PDE10A: variants seen among roughly 807,000 people sequenced by gnomAD.
PDE10A encodes the protein cAMP and cAMP-inhibited cGMP 3',5'-cyclic phosphodiesterase 10A.
In PDE10A, 39 loss-of-function variants were observed where a neutral mutation model predicts 97.7. That is an observed-to-expected ratio of 0.40 (90% CI 0.31 to 0.52). The LOEUF is 0.52. PDE10A is among the 20% of genes least tolerant of loss of function. The pLI is 0.56. For synonymous variants in PDE10A, 371 were observed against 376.8 expected, an observed-to-expected ratio of 0.98 and a Z score of 0.18; for missense variants, 731 against 1,047.8, an observed-to-expected ratio of 0.70 and a Z score of 4.17.
At chr6:165,894,496 C>G (rs1190932698) in intron 1 of PDE10A, 1 of 456,050 alleles carries the variant, frequency 2.2e-6, no homozygotes, top group East Asian at 7.0e-5. Context: ...ATTTATAGCC[C>G]TTCGTGTGCA....
rs1030513384 is a variant in PDE10A, at chr6:165,332,892, T to C, written c.*133A>G. On this transcript the variant is annotated 3_prime_UTR_variant, in exon 22 of 22. Transcript: ENST00000539869. Reference sequence around the variant, plus strand: ...TCTGCTTGACTTATTTATTTGATGTTACCTTCTTGAAGAGGTTTGCACCCC... The same window carrying C: ...TCTGCTTGACTTATTTATTTGATGTCACCTTCTTGAAGAGGTTTGCACCCC... The C allele has an allele frequency of 4.2e-5, 28 of 665,052 alleles. No homozygotes were observed. In the African/African-American group the frequency reaches 5.0e-4, roughly 12 times the overall value. The allele number at this position is 665,052 out of a possible 1,614,324, so 41.2% of individuals were successfully genotyped here. A position where few individuals can be genotyped will look rare whatever the true frequency, so the allele number is the denominator to read the frequency against.
intron 3 of PDE10A, among the ~76,000 whole-genome samples, chr6:165,471,257 C>T (rs530164711): frequency 1.1e-4 from 17 of 152,226 alleles, no homozygotes; most frequent in African/African-American, 3.6e-4. Context: ...GTTCAGTCTT[C>T]CTTTCTACTT....
intron 1 of PDE10A, among the ~76,000 whole-genome samples, chr6:165,586,232 T>C (rs1421755736): frequency 6.6e-6 from 1 of 152,196 alleles, no homozygotes; most frequent in Non-Finnish European, 1.5e-5. Flanking sequence ...AGTAAACTTT[T>C]TAAAATTATA....
At chr6:165,586,110 C>CT (rs1022205141) in intron 1 of PDE10A, among the ~76,000 whole-genome samples, 25 of 152,226 alleles carry the variant, frequency 1.6e-4, no homozygotes, top group Non-Finnish European at 2.4e-4. Context: ...AGCCCACTCC[C>CT]TGCCCCCCTT....
intron 1 of PDE10A, among the ~76,000 whole-genome samples, chr6:165,798,469 A>G (rs1778886648): frequency 6.6e-6 from 1 of 152,198 alleles, no homozygotes; most frequent in Non-Finnish European, 1.5e-5. Flanking sequence ...CAGACCTCAC[A>G]GAAAGACAGA....
chr6:165,957,522 A>G (rs1329357432), intron 1 of PDE10A, among the ~76,000 whole-genome samples: 3 of 152,120 alleles, frequency 2.0e-5, no homozygotes, highest in Non-Finnish European at 4.4e-5. Context: ...AAAAATATAT[A>G]TGATTAATAA....
chr6:165,464,612 A>G (rs575073675), intron 3 of PDE10A, among the ~76,000 whole-genome samples: 11 of 152,226 alleles, frequency 7.2e-5, no homozygotes, highest in Non-Finnish European at 1.3e-4. Context: ...TCCTACCAAG[A>G]AAGAACATTT....
At chr6:165,732,851 G>T (rs1335412679) in intron 1 of PDE10A, among the ~76,000 whole-genome samples, 1 of 152,208 alleles carries the variant, frequency 6.6e-6, no homozygotes, top group East Asian at 1.9e-4. Flanking sequence ...CCATCCTGGT[G>T]AGTGGCATCT....
chr6:165,344,560 C>G (rs1782185576), intron 18 of PDE10A, among the ~76,000 whole-genome samples: 1 of 152,190 alleles, frequency 6.6e-6, no homozygotes, highest in Non-Finnish European at 1.5e-5. Context: ...GCTCCCGAGC[C>G]TGTCTTGACC....
intron 1 of PDE10A, among the ~76,000 whole-genome samples, chr6:165,649,345 T>C (rs1053119451): frequency 2.6e-5 from 4 of 151,754 alleles, no homozygotes; most frequent in Non-Finnish European, 5.9e-5. Context: ...CAGGATGATA[T>C]CCAAACCAAG....
chr6:165,423,031 T>C (rs952668180), intron 10 of PDE10A, among the ~76,000 whole-genome samples: 11 of 152,198 alleles, frequency 7.2e-5, no homozygotes, highest in African/African-American at 2.4e-4. Context: ...GATTTTGATA[T>C]AAAACTTCAT....
At chr6:165,471,903 C>T (rs536260326) in intron 3 of PDE10A, among the ~76,000 whole-genome samples, 27 of 152,122 alleles carry the variant, frequency 1.8e-4, no homozygotes, top group African/African-American at 5.8e-4. Context: ...CTTTTGTTTG[C>T]GCTAATAAAA....
intron 1 of PDE10A, among the ~76,000 whole-genome samples, chr6:165,641,742 G>A (rs1472301391): frequency 1.3e-5 from 2 of 152,204 alleles, no homozygotes; most frequent in Non-Finnish European, 2.9e-5. Context: ...GTTCCTAGAT[G>A]CCCTAGATGT....
intron 1 of PDE10A, among the ~76,000 whole-genome samples, chr6:165,550,870 A>G (rs1412199476): frequency 1.3e-5 from 2 of 152,198 alleles, no homozygotes; most frequent in Non-Finnish European, 2.9e-5. Context: ...TCACAGCGTG[A>G]GATGGTTTCA....
At chr6:165,369,481 A>G (rs376635695) in intron 18 of PDE10A, among the ~76,000 whole-genome samples, 6 of 146,306 alleles carry the variant, frequency 4.1e-5, no homozygotes, top group African/African-American at 1.0e-4. Context: ...GGGTATCAGC[A>G]ATGGAAGATG....
intron 1 of PDE10A, among the ~76,000 whole-genome samples, chr6:165,622,773 G>A (rs898455141): frequency 5.3e-5 from 8 of 152,160 alleles, no homozygotes; most frequent in African/African-American, 1.9e-4. Context: ...GATGCCAAGG[G>A]ATACTGTCTT....
intron 18 of PDE10A, among the ~76,000 whole-genome samples, chr6:165,370,858 A>T (rs1232793689): frequency 1.3e-5 from 2 of 150,118 alleles, no homozygotes; most frequent in Non-Finnish European, 3.0e-5. Flanking sequence ...ATGTAAAAGA[A>T]CAGAAATTAT....
intron 1 of PDE10A, among the ~76,000 whole-genome samples, chr6:165,743,926 C>T (rs933469163): frequency 6.6e-6 from 1 of 152,158 alleles, no homozygotes; most frequent in African/African-American, 2.4e-5. Flanking sequence ...ATGGAACAAG[C>T]TAGACTGCCT....
chr6:165,500,063 T>C (rs1780774248), intron 2 of PDE10A, among the ~76,000 whole-genome samples: 1 of 152,188 alleles, frequency 6.6e-6, no homozygotes, highest in South Asian at 2.1e-4. Flanking sequence ...CCCACTCCTA[T>C]TCAACAATAT....
Sources: allele counts gnomAD v4.1 joint callset (sites outside exome capture counted in the v4.1 genomes callset), GRCh38; gene constraint gnomAD v4.1.1; transcripts MANE v1.5; gene names NCBI Gene and HGNC (gene_info 2026-07-23, HGNC 2026-07-21).